Variants in LMLN observed in about 807,000 individuals in gnomAD.
LMLN encodes leishmanolysin-like peptidase.
A neutral mutation model predicts 92.3 loss-of-function variants in LMLN; 70 were observed. The ratio of observed to expected loss-of-function variants is 0.76; its 90% CI spans 0.63 to 0.92. The LOEUF is 0.92. Among genes scored for constraint, LMLN ranks in the 40% least tolerant of loss-of-function variants. LMLN has a pLI of 0.00. For synonymous variants in LMLN, 308 were observed against 296.2 expected (o/e 1.04, Z -0.41); for missense variants, 691 against 814.6 (o/e 0.85, Z 1.85).
At chr3:198,015,463 C>T (rs1722605371) in intron 11 of LMLN, among the ~76,000 whole-genome samples, 1 of 142,920 alleles carries the variant, frequency 7.0e-6, no homozygotes, top group South Asian at 2.4e-4. Flanking sequence ...CTTCTCTCCA[C>T]CCTTCAGAGT....
chr3:198,021,703 G>C, intron 13 of LMLN, 98 bp downstream of exon 14: 1 of 1,051,168 alleles, frequency 9.5e-7, no homozygotes, highest in African/African-American at 1.6e-5. Flanking sequence ...GAGCAGGACT[G>C]TCTGAATTTG....
chr3:197,964,985 C>G (rs956430846), intron 1 of LMLN, among the ~76,000 whole-genome samples: 5 of 145,746 alleles, frequency 3.4e-5, no homozygotes, highest in Non-Finnish European at 7.5e-5. Flanking sequence ...CCAGCCTGGG[C>G]GACAAGAGCG....
chr3:197,996,246 C>T (rs776559886), exon 10 of LMLN: 1 of 1,603,820 alleles, frequency 6.2e-7, no homozygotes, highest in Non-Finnish European at 8.5e-7. Context: ...GTGGTGTGGG[C>T]ACTGAGCTCA....
intron 8 of LMLN, among the ~76,000 whole-genome samples, chr3:197,988,745 G>A (rs943949052): frequency 2.0e-5 from 3 of 151,958 alleles, no homozygotes; most frequent in Admixed American, 6.6e-5. Flanking sequence ...GCTGTGGCGC[G>A]ATCTCGGCTC....
intron 8 of LMLN, among the ~76,000 whole-genome samples, 189 bp from the exon 9 acceptor site, chr3:197,990,370 T>A (rs554757370): frequency 1.1e-4 from 17 of 152,152 alleles, no homozygotes; most frequent in Non-Finnish European, 2.5e-4. Context: ...ACCAAAAAAT[T>A]AAATTTAAAA....
At chr3:197,995,608 G>A (rs112026581) in intron 9 of LMLN, among the ~76,000 whole-genome samples, 4,177 of 152,104 alleles carry the variant, frequency 0.027, 64 homozygotes, top group African/African-American at 0.037. Context: ...TGGCCAAAGG[G>A]TACAAAATCA....
At chr3:197,983,084 G>T (rs984393621) in intron 6 of LMLN, among the ~76,000 whole-genome samples, 24 of 152,282 alleles carry the variant, frequency 1.6e-4, no homozygotes, top group African/African-American at 5.8e-4. Context: ...TTAAATAAAA[G>T]AATTGTATTC....
chr3:198,002,855 G>A lies in LMLN; in HGVS notation c.1232+3513G>A, dbSNP rs532422982. Among the ~76,000 whole-genome samples the A allele has an allele frequency of 5.3e-5, 8 of 152,306 alleles. No individual in the cohort carries two copies. The East Asian group carries it at 5.8e-4, about 11-fold the overall frequency. On this transcript the variant is annotated intron_variant, in intron 11 of 15. Coordinates refer to ENST00000330198, the Ensembl canonical transcript of LMLN. Reference sequence around the variant, plus strand: ...AATCCCTGTGTAGCAGTCCCTGTGCGGCAAGAACGTTGTGAGTGATCACTT... The same window carrying A: ...AATCCCTGTGTAGCAGTCCCTGTGCAGCAAGAACGTTGTGAGTGATCACTT...
chr3:197,972,696 T>C (rs964058449), intron 1 of LMLN, among the ~76,000 whole-genome samples: 2 of 151,184 alleles, frequency 1.3e-5, no homozygotes, highest in East Asian at 1.9e-4. Context: ...TGTATTTCTC[T>C]GAATAATTTT....
In LMLN at chr3:197,999,261, T is replaced by G; in HGVS notation, c.1156-5T>G. 1 of 1,610,658 alleles carries G rather than the reference T, an allele frequency of 6.2e-7. No individual in the cohort carries two copies. On this transcript the variant is annotated splice_polypyrimidine_tract_variant and splice_region_variant and intron_variant, in intron 10 of 15. Coordinates refer to ENST00000330198, the Ensembl canonical transcript of LMLN. ...GTCTAATTAAACCCTGTTGGTGATT[T>G]TCAGAATGAAGCGATGACTGGTTCT...
At chr3:198,030,909 T>G (rs1025450852) in intron 14 of LMLN, among the ~76,000 whole-genome samples, 2 of 144,420 alleles carry the variant, frequency 1.4e-5, no homozygotes, top group Non-Finnish European at 3.0e-5. Context: ...TTCAGCTAGT[T>G]TCCACCGTGA....
chr3:198,038,137 G>A (rs1487770918), intron 15 of LMLN, among the ~76,000 whole-genome samples: 3 of 152,102 alleles, frequency 2.0e-5, no homozygotes, highest in East Asian at 1.9e-4. Flanking sequence ...CTCACAGTCC[G>A]TCTGCCTGTT....
chr3:197,983,988 C>G (rs200902786), exon 7 of LMLN: 1 of 1,613,682 alleles, frequency 6.2e-7, no homozygotes, highest in Admixed American at 1.7e-5. Context: ...TGATCTCTAC[C>G]CAGCCTCAGG....
intron 11 of LMLN, among the ~76,000 whole-genome samples, chr3:198,006,288 G>A (rs1722291659): frequency 6.6e-6 from 1 of 152,128 alleles, no homozygotes; most frequent in African/African-American, 2.4e-5. Flanking sequence ...TCCGCAGTAT[G>A]ATACACCACA....
At chr3:197,967,759 A>C (rs1490373836) in intron 1 of LMLN, among the ~76,000 whole-genome samples, 1 of 152,186 alleles carries the variant, frequency 6.6e-6, no homozygotes, top group African/African-American at 2.4e-5. Flanking sequence ...GGCATATTTC[A>C]GTCCTTATCT....
intron 5 of LMLN, among the ~76,000 whole-genome samples, chr3:197,977,423 T>C (rs373532189): frequency 5.3e-5 from 8 of 151,124 alleles, no homozygotes; most frequent in African/African-American, 1.7e-4. Flanking sequence ...AGTACACACA[T>C]GTTAAACCTG....
chr3:197,960,500 C>CG, intron 1 of LMLN, 60 bp downstream of exon 1: 1 of 1,486,510 alleles, frequency 6.7e-7, no homozygotes, highest in Non-Finnish European at 9.3e-7. Flanking sequence ...AAGGAGCAGG[C>CG]GTAGGAGATA....
chr3:198,021,641 A>G lies in LMLN; in HGVS notation c.1525+36A>G, dbSNP rs185609408. On this transcript the variant is annotated intron_variant, in intron 13 of 15. Transcript: ENST00000330198. ...TAGTGAAATGAAGTATTATATACAT[A>G]TTAAAATTATGTATTAGCAATATAG... 387 of 1,559,942 alleles carry G rather than the reference A, an allele frequency of 2.5e-4. No individual in the cohort carries two copies. The African/African-American group carries it at 4.3e-3, about 18-fold the overall frequency.
Position 197,980,518 on chromosome 3 carries a change from C to G in LMLN, c.728+14C>G, listed in dbSNP as rs767618413. On this transcript the variant is annotated intron_variant, in intron 6 of 15. Transcript: ENST00000330198. ...AAACATGGACAGGTAATCTTTCCTC[C>G]GGGACTTAGTTTCCAAGATCTAATG... 6.2e-7 allele frequency: 1 copy of G among 1,604,336 alleles called. No individual in the cohort carries two copies. Among genetic ancestry groups the G allele is most frequent in the East Asian group, 2.2e-5 (1 of 44,684 alleles).
Sources: gnomAD v4.1 joint callset for allele counts (sites outside exome capture counted in the v4.1 genomes callset) on GRCh38, gnomAD v4.1.1 for gene constraint, MANE v1.5 for transcripts, NCBI Gene and HGNC (gene_info 2026-07-23, HGNC 2026-07-21) for gene names.